ERBB4: variants seen among roughly 807,000 people sequenced by gnomAD.
ERBB4 encodes the protein erb-b2 receptor tyrosine kinase 4.
Under a neutral mutation model 158.0 loss-of-function variants are expected in ERBB4, and 42 were observed. That is an observed-to-expected ratio of 0.27 (90% CI 0.21 to 0.34). The LOEUF (loss-of-function observed/expected upper bound fraction) is 0.34, where lower values mean the gene tolerates loss of function less well. Ranked by LOEUF, ERBB4 falls within the 10% of genes least tolerant of loss-of-function variation. The probability of loss-of-function intolerance (pLI) is 1.00; values close to 1 mark genes in which losing one functional copy is unlikely to be tolerated. For missense variants in ERBB4, 1,333 were observed against 1,624.1 expected, an observed-to-expected ratio of 0.82 and a Z score of 3.08; for synonymous variants, 583 against 558.7, an observed-to-expected ratio of 1.04 and a Z score of -0.61.
intron 3 of ERBB4, among the ~76,000 whole-genome samples, chr2:211,843,052 C>T (rs1259108825): frequency 6.6e-6 from 1 of 152,100 alleles, no homozygotes; most frequent in Non-Finnish European, 1.5e-5. Flanking sequence ...AAAGCACTAA[C>T]AGCTATTGAA....
At chr2:212,158,412 T>C (rs1211620351) in intron 1 of ERBB4, among the ~76,000 whole-genome samples, 1 of 152,030 alleles carries the variant, frequency 6.6e-6, no homozygotes, top group Non-Finnish European at 1.5e-5. Context: ...CACGTTCTTA[T>C]AAGACCTCTG....
At chr2:211,895,266 G>A (rs2079068043) in intron 3 of ERBB4, among the ~76,000 whole-genome samples, 1 of 151,960 alleles carries the variant, frequency 6.6e-6, no homozygotes, top group Non-Finnish European at 1.5e-5. Flanking sequence ...TATCTTTTTT[G>A]TTGTTGTTGT....
intron 3 of ERBB4, among the ~76,000 whole-genome samples, chr2:211,940,777 G>A (rs2080472396): frequency 6.6e-6 from 1 of 151,990 alleles, no homozygotes; most frequent in Non-Finnish European, 1.5e-5. Context: ...ACTTATTTTG[G>A]CTTATTTCTC....
intron 2 of ERBB4, among the ~76,000 whole-genome samples, chr2:212,016,350 A>G (rs923690642): frequency 6.6e-6 from 1 of 152,146 alleles, no homozygotes; most frequent in African/African-American, 2.4e-5. Context: ...ATGAAAAAAG[A>G]CGAATTATGA....
At chr2:212,294,157 T>C (rs1424589921) in intron 1 of ERBB4, among the ~76,000 whole-genome samples, 1 of 152,098 alleles carries the variant, frequency 6.6e-6, no homozygotes. Context: ...TCTACTTTTA[T>C]TTTGCTGTTA....
intron 1 of ERBB4, among the ~76,000 whole-genome samples, chr2:212,173,284 A>C (rs2081572692): frequency 6.6e-6 from 1 of 152,156 alleles, no homozygotes; most frequent in Non-Finnish European, 1.5e-5. Flanking sequence ...GGATAGGGAC[A>C]TACTATGTTA....
intron 20 of ERBB4, among the ~76,000 whole-genome samples, chr2:211,511,941 T>G (rs2065894555): frequency 6.6e-6 from 1 of 152,112 alleles, no homozygotes. Flanking sequence ...TAAATTCCCA[T>G]GCTTCTGAAA....
intron 1 of ERBB4, among the ~76,000 whole-genome samples, chr2:212,520,228 G>T (rs1692078432): frequency 6.6e-6 from 1 of 151,822 alleles, no homozygotes; most frequent in Non-Finnish European, 1.5e-5. Flanking sequence ...AAAATCAGTT[G>T]TATTGATTTT....
chr2:211,430,454 C>T (rs1233790604), intron 21 of ERBB4, among the ~76,000 whole-genome samples: 1 of 152,094 alleles, frequency 6.6e-6, no homozygotes, highest in Non-Finnish European at 1.5e-5. Flanking sequence ...GAGGCTGAGA[C>T]TAGAGGGTCA....
In ERBB4 at chr2:211,888,086, C is replaced by A. The variant is rs1575320264; in HGVS notation, c.421+59344G>T. Reference sequence around the variant, plus strand: ...TAGCAATATCTTCTGAAATACAAATCTGATCAGGACTTTTTCCTTTTTTGC... The same window carrying A: ...TAGCAATATCTTCTGAAATACAAATATGATCAGGACTTTTTCCTTTTTTGC... On this transcript the variant is annotated intron_variant, in intron 3 of 27. Coordinates refer to ENST00000342788, the MANE Select transcript of ERBB4 (RefSeq NM_005235.3). Among the ~76,000 whole-genome samples the A allele has an allele frequency of 4.6e-5, 7 of 152,292 alleles. No individual in the cohort carries two copies. The South Asian group carries it at 1.4e-3, about 32-fold the overall frequency.
intron 6 of ERBB4, among the ~76,000 whole-genome samples, chr2:211,724,716 A>T (rs553582734): frequency 1.1e-4 from 16 of 152,320 alleles, no homozygotes; most frequent in Non-Finnish European, 2.2e-4. Flanking sequence ...TATATTCAAG[A>T]AATAAAATGC....
chr2:212,511,672 G>A (rs894510795), intron 1 of ERBB4, among the ~76,000 whole-genome samples: 4 of 152,032 alleles, frequency 2.6e-5, no homozygotes, highest in African/African-American at 7.2e-5. Context: ...CTTAAAGGAA[G>A]AGGAATATAT....
chr2:211,413,309 A>AAAAAAAAAAAAAAAAAC lies in ERBB4; in HGVS notation c.3135+7131_3135+7132insGTTTTTTTTTTTTTTTT, dbSNP rs1553524037. Among the ~76,000 whole-genome samples, 433 of 94,532 alleles carry AAAAAAAAAAAAAAAAAC rather than the reference A, an allele frequency of 4.6e-3. 28 individuals are homozygous for AAAAAAAAAAAAAAAAAC. Among genetic ancestry groups the AAAAAAAAAAAAAAAAAC allele is most frequent in the African/African-American group, 6.8e-3 (176 of 26,034 alleles). The allele number at this position is 94,532 out of a possible 152,430, so 62.0% of individuals were successfully genotyped here. A position where few individuals can be genotyped will look rare whatever the true frequency, so the allele number is the denominator to read the frequency against. ...GGACAGAGAGAGACCCTGTCTTAAA[A>AAAAAAAAAAAAAAAAAC]ACACACACACACACACACACACACA... On this transcript the variant is annotated intron_variant, in intron 25 of 27. Transcript: ENST00000342788.
chr2:211,922,461 A>C (rs2079881410), intron 3 of ERBB4, among the ~76,000 whole-genome samples: 1 of 152,092 alleles, frequency 6.6e-6, no homozygotes, highest in Non-Finnish European at 1.5e-5. Flanking sequence ...TTTCTATTTT[A>C]ACAGTTCATA....
chr2:212,181,752 T>C (rs982970752), intron 1 of ERBB4, among the ~76,000 whole-genome samples: 3 of 151,764 alleles, frequency 2.0e-5, no homozygotes, highest in Admixed American at 1.3e-4. Context: ...AAAAGACTTA[T>C]ACAAACAAGA....
intron 2 of ERBB4, among the ~76,000 whole-genome samples, chr2:211,949,008 T>C (rs1226254194): frequency 6.6e-6 from 1 of 152,156 alleles, no homozygotes; most frequent in East Asian, 1.9e-4. Flanking sequence ...GTTCAGGTTA[T>C]TCCATCTTTT....
chr2:211,913,516 G>A (rs1487862047), intron 3 of ERBB4, among the ~76,000 whole-genome samples: 3 of 151,862 alleles, frequency 2.0e-5, no homozygotes, highest in South Asian at 2.1e-4. Flanking sequence ...CAGGAGAATC[G>A]CTCGAACTCG....
intron 20 of ERBB4, among the ~76,000 whole-genome samples, chr2:211,474,832 T>G (rs2064915254): frequency 6.6e-6 from 1 of 151,934 alleles, no homozygotes; most frequent in African/African-American, 2.4e-5. Flanking sequence ...GATGGGCCAT[T>G]AAGTACATGG....
intron 1 of ERBB4, among the ~76,000 whole-genome samples, chr2:212,297,428 A>T (rs2086453779): frequency 6.6e-6 from 1 of 151,974 alleles, no homozygotes. Flanking sequence ...AATCGATGGT[A>T]TATATGTGAT....
Sources: gnomAD v4.1 joint callset for allele counts (sites outside exome capture counted in the v4.1 genomes callset) on GRCh38, gnomAD v4.1.1 for gene constraint, MANE v1.5 for transcripts, NCBI Gene and HGNC (gene_info 2026-07-23, HGNC 2026-07-21) for gene names.